Variants in ME3 observed in about 807,000 individuals in gnomAD.
ME3 encodes NADP-dependent malic enzyme, mitochondrial.
A neutral mutation model predicts 68.9 loss-of-function variants in ME3; 48 were observed. The observed-to-expected ratio is 0.70, with a 90% CI of 0.55 to 0.89. ME3 has a LOEUF of 0.89. Ranked by LOEUF, ME3 falls within the 40% of genes least tolerant of loss-of-function variation. The pLI, the probability that ME3 is intolerant of heterozygous loss-of-function variation, is 0.00. For missense variants in ME3, 675 were observed against 797.4 expected, an observed-to-expected ratio of 0.85 and a Z score of 1.85; for synonymous variants, 320 against 318.8, an observed-to-expected ratio of 1.00 and a Z score of -0.04.
chr11:86,469,717 C>A (rs1253006894), intron 7 of ME3, among the ~76,000 whole-genome samples: 1 of 152,204 alleles, frequency 6.6e-6, no homozygotes, highest in African/African-American at 2.4e-5. Context: ...CCTTCCCAAG[C>A]CACACAGATA....
intron 2 of ME3, among the ~76,000 whole-genome samples, chr11:86,655,564 G>T (rs1945805820): frequency 6.6e-6 from 1 of 152,054 alleles, no homozygotes; most frequent in Non-Finnish European, 1.5e-5. Flanking sequence ...GCTGAAACTG[G>T]ATCGCTTCCT....
chr11:86,481,072 C>T (rs1026895958), intron 7 of ME3, among the ~76,000 whole-genome samples: 2 of 152,052 alleles, frequency 1.3e-5, no homozygotes, highest in Admixed American at 6.5e-5. Context: ...AAGAGGGTCT[C>T]ATTCTGTTGC....
chr11:86,459,202 A>C (rs1158041183), intron 8 of ME3, among the ~76,000 whole-genome samples: 1 of 152,116 alleles, frequency 6.6e-6, no homozygotes, highest in Non-Finnish European at 1.5e-5. Flanking sequence ...TTGGCAGAAA[A>C]CTCACAGAAG....
At chr11:86,529,958 C>A (rs1955077124) in intron 4 of ME3, among the ~76,000 whole-genome samples, 1 of 152,128 alleles carries the variant, frequency 6.6e-6, no homozygotes, top group African/African-American at 2.4e-5. Flanking sequence ...ACAGGGATGC[C>A]CTCTCTCACC....
At position 86,574,397 on chromosome 11, in the gene ME3, C is replaced by T. The variant is rs376268650; in HGVS notation, c.184-14574G>A. On this transcript the variant is annotated intron_variant, in intron 2 of 14. Transcript: ENST00000543262. ...GACCTTTGGATGGGGTATTTGTTGC[C>T]GGGGGGGGGGGGGGTGTCTTTTTTG... 1.4e-3 allele frequency among the ~76,000 whole-genome samples: 83 copies of T among 58,072 alleles called. 2 individuals carry two copies. The highest frequency in any genetic ancestry group is 9.1e-3 in the Middle Eastern group (1 of 110). The allele number at this position is 58,072 out of a possible 152,430, so 38.1% of individuals were successfully genotyped here. A position where few individuals can be genotyped will look rare whatever the true frequency, so the allele number is the denominator to read the frequency against.
At chr11:86,583,107 C>T (rs1327856560) in intron 2 of ME3, among the ~76,000 whole-genome samples, 1 of 152,000 alleles carries the variant, frequency 6.6e-6, no homozygotes, top group East Asian at 1.9e-4. Flanking sequence ...AAGGGTTATG[C>T]TGTCTCTTTT....
intron 2 of ME3, among the ~76,000 whole-genome samples, chr11:86,578,918 G>A (rs1304308669): frequency 1.3e-5 from 2 of 152,122 alleles, no homozygotes; most frequent in Non-Finnish European, 2.9e-5. Context: ...TTCCCATTTT[G>A]CAGATAGGAA....
intron 2 of ME3, 138 bp downstream of exon 2, chr11:86,671,624 C>T (rs1946948948): frequency 1.1e-5 from 11 of 1,041,724 alleles, no homozygotes; most frequent in Non-Finnish European, 1.4e-5. Flanking sequence ...CAAGTCACAA[C>T]AAGCCCCTGC....
In ME3 at chr11:86,575,151, A is replaced by G. The variant is rs1021481201; in HGVS notation, c.184-15328T>C. Among the ~76,000 whole-genome samples, 5 of 147,348 alleles carry G rather than the reference A, an allele frequency of 3.4e-5. No homozygotes were observed. In the East Asian group the frequency reaches 7.7e-4, roughly 23 times the overall value. On this transcript the variant is annotated intron_variant, in intron 2 of 14. Coordinates refer to ENST00000543262, the Ensembl canonical transcript of ME3. ...TCATACAGCTTCTAACATTTTTAAA[A>G]TGTGCTTCTAATAACTGTTGTGCCA... is the stretch of plus-strand genomic sequence containing the variant.
chr11:86,509,912 T>C (rs1428432069), intron 4 of ME3, among the ~76,000 whole-genome samples: 2 of 152,028 alleles, frequency 1.3e-5, no homozygotes, highest in African/African-American at 4.8e-5. Context: ...TAAAAGAGAA[T>C]CCAGAGTCCA....
At chr11:86,649,691 G>A (rs1945271646) in intron 2 of ME3, among the ~76,000 whole-genome samples, 1 of 152,056 alleles carries the variant, frequency 6.6e-6, no homozygotes, top group Admixed American at 6.6e-5. Context: ...GCCAAATAAT[G>A]AGTGAACTCC....
At chr11:86,555,107 A>C (rs1046006107) in intron 4 of ME3, among the ~76,000 whole-genome samples, 2 of 152,114 alleles carry the variant, frequency 1.3e-5, no homozygotes, top group African/African-American at 4.8e-5. Flanking sequence ...TTTGAGGCAG[A>C]CAGGACCATA....
At chr11:86,501,044 C>G (rs532719431) in intron 5 of ME3, among the ~76,000 whole-genome samples, 2 of 152,174 alleles carry the variant, frequency 1.3e-5, no homozygotes, top group South Asian at 4.2e-4. Flanking sequence ...CACAAAACAG[C>G]CTTTGTGGTT....
intron 6 of ME3, among the ~76,000 whole-genome samples, chr11:86,495,405 G>A (rs903934770): frequency 3.3e-5 from 5 of 152,184 alleles, no homozygotes; most frequent in Admixed American, 2.6e-4. Flanking sequence ...CAATGACAAA[G>A]GATCCCAATG....
chr11:86,521,413 C>CA (rs1565893853), intron 4 of ME3, among the ~76,000 whole-genome samples: 2 of 112,362 alleles, frequency 1.8e-5, no homozygotes, highest in African/African-American at 7.1e-5. Context: ...ACAAACAAAA[C>CA]AAAACAAAAC....
chr11:86,527,353 T>C (rs1253248058), intron 4 of ME3, among the ~76,000 whole-genome samples: 3 of 152,036 alleles, frequency 2.0e-5, no homozygotes. Context: ...CTCCAAGAAA[T>C]ATGGGACTAT....
chr11:86,579,575 C>T (rs1958317673), intron 2 of ME3, among the ~76,000 whole-genome samples: 1 of 152,198 alleles, frequency 6.6e-6, no homozygotes, highest in Non-Finnish European at 1.5e-5. Flanking sequence ...TTACCAGATG[C>T]TGAGTACTGT....
intron 4 of ME3, among the ~76,000 whole-genome samples, chr11:86,525,862 C>CAA (rs774590648): frequency 0.22 from 22,662 of 102,396 alleles, 2,088 homozygotes; most frequent in Middle Eastern, 0.28. Context: ...AACTCTGTCT[C>CAA]AAAAAAAAAA....
chr11:86,578,834 T>A (rs2139596374), intron 2 of ME3, among the ~76,000 whole-genome samples: 1 of 152,274 alleles, frequency 6.6e-6, no homozygotes, highest in Admixed American at 6.5e-5. Flanking sequence ...CAGTTTTATT[T>A]GCTATGATAG....
Sources: gnomAD v4.1 joint callset for allele counts (sites outside exome capture counted in the v4.1 genomes callset) on GRCh38, gnomAD v4.1.1 for gene constraint, MANE v1.5 for transcripts, NCBI Gene and HGNC (gene_info 2026-07-23, HGNC 2026-07-21) for gene names.